The following LDLRAD3 variants were observed in gnomAD, a reference collection of about 807,000 sequenced individuals.
The protein encoded by LDLRAD3 is low density lipoprotein receptor class A domain containing 3.
Under a neutral mutation model 29.4 loss-of-function variants are expected in LDLRAD3, and 20 were observed. The ratio of observed to expected loss-of-function variants is 0.68; its 90% CI spans 0.48 to 0.99. The LOEUF is 0.99. Ranked by LOEUF, LDLRAD3 falls within the 50% of genes least tolerant of loss-of-function variation. The pLI is 0.00. For synonymous variants in LDLRAD3, 157 were observed against 192.7 expected, an observed-to-expected ratio of 0.81 and a Z score of 1.53; for missense variants, 420 against 454.3, an observed-to-expected ratio of 0.92 and a Z score of 0.69.
intron 3 of LDLRAD3, among the ~76,000 whole-genome samples, chr11:36,097,917 G>A (rs1853386077): frequency 6.6e-6 from 1 of 152,108 alleles, no homozygotes; most frequent in Admixed American, 6.5e-5. Context: ...TTCTAAAAAG[G>A]AGCCAAAGGC....
chr11:36,052,250 G>A (rs1214781370), intron 2 of LDLRAD3, among the ~76,000 whole-genome samples: 1 of 152,202 alleles, frequency 6.6e-6, no homozygotes, highest in Non-Finnish European at 1.5e-5. Context: ...GGAGTGCTAA[G>A]TAATGGGATG....
intron 3 of LDLRAD3, among the ~76,000 whole-genome samples, chr11:36,087,545 G>C (rs1445571196): frequency 6.6e-6 from 1 of 152,090 alleles, no homozygotes; most frequent in Admixed American, 6.5e-5. Flanking sequence ...ATGGTGAGAA[G>C]AAATAAATAA....
chr11:36,178,498 A>G (rs1014145681), intron 4 of LDLRAD3, among the ~76,000 whole-genome samples: 3 of 151,788 alleles, frequency 2.0e-5, no homozygotes, highest in Non-Finnish European at 2.9e-5. Flanking sequence ...TACCTCTCCC[A>G]CTCAAACCCC....
At chr11:36,181,496 C>T (rs1854762543) in intron 4 of LDLRAD3, among the ~76,000 whole-genome samples, 1 of 152,050 alleles carries the variant, frequency 6.6e-6, no homozygotes, top group Non-Finnish European at 1.5e-5. Flanking sequence ...GGCCAAGCTC[C>T]TGAGGGCAGG....
At chr11:35,984,675 A>G (rs1010100937) in intron 1 of LDLRAD3, among the ~76,000 whole-genome samples, 2 of 152,206 alleles carry the variant, frequency 1.3e-5, no homozygotes, top group African/African-American at 4.8e-5. Flanking sequence ...CTTGTTGCCC[A>G]GGCTGGAGTG....
At chr11:36,133,970 G>GTATA (rs139013631) in intron 4 of LDLRAD3, among the ~76,000 whole-genome samples, 2 of 150,738 alleles carry the variant, frequency 1.3e-5, no homozygotes, top group African/African-American at 4.9e-5. Context: ...AGATTTCCAA[G>GTATA]TATATATATA....
At chr11:35,969,862 A>G (rs1244705042) in intron 1 of LDLRAD3, among the ~76,000 whole-genome samples, 1 of 152,144 alleles carries the variant, frequency 6.6e-6, no homozygotes, top group African/African-American at 2.4e-5. Flanking sequence ...CTGATAAAAT[A>G]TTTACTTCAG....
intron 1 of LDLRAD3, chr11:35,997,736 C>T (rs1851773147): frequency 6.0e-6 from 1 of 166,822 alleles, no homozygotes; most frequent in Admixed American, 6.5e-5. Flanking sequence ...TAAAGTTGCA[C>T]CTTGGCCTCC....
At chr11:35,970,104 T>TAGTGCTCCGGG in intron 1 of LDLRAD3, among the ~76,000 whole-genome samples, 1 of 152,314 alleles carries the variant, frequency 6.6e-6, no homozygotes, top group East Asian at 1.9e-4. Flanking sequence ...GGTACTGTCC[T>TAGTGCTCCGGG]TAGTGCTTTT....
Position 36,081,728 on chromosome 11 carries a change from G to T in LDLRAD3, c.269G>T (p.Arg90Leu). The T allele has an allele frequency of 1.2e-6, 2 of 1,614,182 alleles. No homozygotes were observed. Among genetic ancestry groups the T allele is most frequent in the Admixed American group, 1.7e-5 (1 of 60,026 alleles). The change falls in exon 3 of 6, where the codon CGG becomes CTG. Residue 90 changes from arginine to leucine, a missense_variant. Around this residue, in one of 3 missense-constraint regions of LDLRAD3, gnomAD observed 224 missense variants for 222.2 expected, o/e 1.01. Coordinates refer to ENST00000315571, the MANE Select transcript of LDLRAD3 (RefSeq NM_174902.4). ...SGIHCIIGRF[R>L]CNGFEDCPDG... ...ATCCATTGCATCATTGGTCGCTTCCGGTGCAATGGGTTTGAGGACTGTCCC... is the reference window on the plus strand; with the variant it reads ...ATCCATTGCATCATTGGTCGCTTCCTGTGCAATGGGTTTGAGGACTGTCCC...
intron 4 of LDLRAD3, among the ~76,000 whole-genome samples, chr11:36,101,110 G>T (rs1346424310): frequency 6.6e-6 from 1 of 152,188 alleles, no homozygotes; most frequent in Admixed American, 6.5e-5. Flanking sequence ...TCCTTAGCCA[G>T]AGGGCATCCC....
At chr11:36,051,238 G>A (rs1440921123) in intron 2 of LDLRAD3, among the ~76,000 whole-genome samples, 1 of 152,210 alleles carries the variant, frequency 6.6e-6, no homozygotes, top group East Asian at 1.9e-4. Context: ...GGAGAGGAAA[G>A]GTTTCAGGGG....
intron 1 of LDLRAD3, among the ~76,000 whole-genome samples, chr11:35,956,885 G>A (rs111913274): frequency 0.011 from 1,687 of 152,152 alleles, 54 homozygotes; most frequent in East Asian, 0.11. Context: ...ACAGGCGCCC[G>A]CCACTACGCC....
intron 4 of LDLRAD3, among the ~76,000 whole-genome samples, chr11:36,162,315 T>A (rs924392328): frequency 2.0e-5 from 3 of 152,210 alleles, no homozygotes; most frequent in Admixed American, 6.5e-5. Context: ...GGATTCCTCA[T>A]CAAGGGAGAA....
intron 4 of LDLRAD3, among the ~76,000 whole-genome samples, chr11:36,185,997 G>A (rs1854842510): frequency 6.6e-6 from 1 of 152,318 alleles, no homozygotes. Context: ...GGCAAAGAAA[G>A]CTCTAGCCAG....
intron 1 of LDLRAD3, among the ~76,000 whole-genome samples, chr11:35,948,987 A>G (rs1472166792): frequency 2.0e-5 from 3 of 152,164 alleles, no homozygotes; most frequent in Admixed American, 6.5e-5. Flanking sequence ...TGTCCTTGCC[A>G]TGCATCTTGA....
intron 4 of LDLRAD3, among the ~76,000 whole-genome samples, chr11:36,171,225 A>AT (rs1854594886): frequency 1.3e-5 from 2 of 151,948 alleles, no homozygotes; most frequent in South Asian, 4.2e-4. Flanking sequence ...GTTTGCAAAG[A>AT]TTTTCTCCCA....
intron 2 of LDLRAD3, among the ~76,000 whole-genome samples, chr11:36,050,199 T>G (rs1852508263): frequency 6.6e-6 from 1 of 152,204 alleles, no homozygotes; most frequent in Non-Finnish European, 1.5e-5. Context: ...GATCTATGTT[T>G]TCCCTCAGCT....
chr11:35,990,820 A>T (rs571811296), intron 1 of LDLRAD3, among the ~76,000 whole-genome samples: 24 of 151,916 alleles, frequency 1.6e-4, no homozygotes, highest in African/African-American at 5.8e-4. Context: ...ATCCAGTGTG[A>T]CCTCTTCTTA....
Sources: gnomAD v4.1 joint callset for allele counts (sites outside exome capture counted in the v4.1 genomes callset) on GRCh38, gnomAD v4.1.1 for gene constraint, gnomAD v4.1.1 regional missense constraint, MANE v1.5 for transcripts, NCBI Gene and HGNC (gene_info 2026-07-23, HGNC 2026-07-21) for gene names.